Variants in CRIM1 observed in about 807,000 individuals in gnomAD.
CRIM1 encodes cysteine-rich motor neuron 1 protein.
In CRIM1, 32 loss-of-function variants were observed where a neutral mutation model predicts 116.4. The observed-to-expected ratio is 0.27, with a 90% CI of 0.21 to 0.37. The LOEUF (loss-of-function observed/expected upper bound fraction) is 0.37. Ranked by LOEUF, CRIM1 falls within the 10% of genes least tolerant of loss-of-function variation. The pLI is 1.00. For missense variants in CRIM1, 1,331 were observed against 1,354.8 expected, an observed-to-expected ratio of 0.98 and a Z score of 0.28; for synonymous variants, 590 against 509.2, an observed-to-expected ratio of 1.16 and a Z score of -2.13.
At chr2:36,427,015 A>G (rs1674506169) in intron 2 of CRIM1, among the ~76,000 whole-genome samples, 1 of 152,106 alleles carries the variant, frequency 6.6e-6, no homozygotes, top group Admixed American at 6.5e-5. Flanking sequence ...AGCCTGACTA[A>G]CATGGTGAAA....
chr2:36,550,354 C>G lies in CRIM1; in HGVS notation c.*1653C>G, dbSNP rs1667683205. ...AACTGACTGTATACTATAGTGGTAACTTTTCAAACAGCCCTTAGCACTTTT... is the reference window on the plus strand; with the variant it reads ...AACTGACTGTATACTATAGTGGTAAGTTTTCAAACAGCCCTTAGCACTTTT... On this transcript the variant is annotated 3_prime_UTR_variant, in exon 17 of 17. Coordinates refer to ENST00000280527, the MANE Select transcript of CRIM1 (RefSeq NM_016441.3). 1 of 151,238 alleles carries G rather than the reference C, an allele frequency of 6.6e-6. No individual in the cohort carries two copies. Among genetic ancestry groups the G allele is most frequent in the Non-Finnish European group, 1.5e-5 (1 of 67,888 alleles). The allele number at this position is 151,238 out of a possible 1,614,324, so 9.4% of individuals were successfully genotyped here.
intron 2 of CRIM1, among the ~76,000 whole-genome samples, chr2:36,399,732 C>T (rs959055889): frequency 7.9e-5 from 12 of 152,052 alleles, no homozygotes; most frequent in Admixed American, 3.3e-4. Flanking sequence ...GTAAGAAAGG[C>T]GATTGCAGGA....
At chr2:36,374,119 G>A (rs1670137751) in intron 1 of CRIM1, among the ~76,000 whole-genome samples, 1 of 152,178 alleles carries the variant, frequency 6.6e-6, no homozygotes, top group Non-Finnish European at 1.5e-5. Context: ...GACTCAAAAA[G>A]GATTGATGCA....
At chr2:36,425,559 A>G (rs530203136) in intron 2 of CRIM1, among the ~76,000 whole-genome samples, 13 of 152,320 alleles carry the variant, frequency 8.5e-5, no homozygotes, top group African/African-American at 3.1e-4. Flanking sequence ...TAATTTAATA[A>G]TTCTTGCTTC....
At chr2:36,533,252 C>A (rs750763642) in intron 13 of CRIM1, among the ~76,000 whole-genome samples, 2 of 151,994 alleles carry the variant, frequency 1.3e-5, no homozygotes, top group African/African-American at 2.4e-5. Context: ...GCAAATGGGT[C>A]CCTATGTGTC....
At chr2:36,464,432 A>G (rs1284934545) in intron 4 of CRIM1, 102 bp from the exon 5 acceptor site, 6 of 1,222,238 alleles carry the variant, frequency 4.9e-6, no homozygotes, top group Non-Finnish European at 7.2e-6. Flanking sequence ...TGTCGTATAG[A>G]CCAGGTACTT....
chr2:36,409,061 A>C (rs1673023423), intron 2 of CRIM1, among the ~76,000 whole-genome samples: 1 of 152,164 alleles, frequency 6.6e-6, no homozygotes, highest in Non-Finnish European at 1.5e-5. Flanking sequence ...TTAAAAAAGA[A>C]AATAATTTGC....
At chr2:36,541,735 A>G (rs1216995201) in intron 14 of CRIM1, among the ~76,000 whole-genome samples, 2 of 152,132 alleles carry the variant, frequency 1.3e-5, no homozygotes, top group Non-Finnish European at 2.9e-5. Flanking sequence ...TGTGCCCGTG[A>G]TCTTCGTGGT....
intron 13 of CRIM1, among the ~76,000 whole-genome samples, chr2:36,528,789 G>A (rs548876143): frequency 1.2e-4 from 18 of 152,266 alleles, no homozygotes; most frequent in African/African-American, 4.3e-4. Flanking sequence ...AAAACATTCT[G>A]GTTGTCGTGC....
chr2:36,517,570 T>A lies in CRIM1; in HGVS notation c.2206+28T>A, dbSNP rs990666418. 3.3e-5 allele frequency: 52 copies of A among 1,592,786 alleles called. No homozygotes were observed. The African/African-American group carries it at 5.2e-4, about 16-fold the overall frequency. On this transcript the variant is annotated intron_variant, in intron 12 of 16. Transcript: ENST00000280527. The stretch of plus-strand genomic sequence containing the variant: ...AAGCGACACCATGCCTTGTGGGTGC[T>A]TGGTGGGGAAGGATGCAGCTCTGGG...
chr2:36,492,311 G>A (rs919335087), intron 7 of CRIM1, among the ~76,000 whole-genome samples: 9 of 152,136 alleles, frequency 5.9e-5, no homozygotes, highest in African/African-American at 1.9e-4. Context: ...TATGAGAAGT[G>A]TACAAAGGGA....
chr2:36,498,743 G>C (rs980271450), intron 7 of CRIM1, among the ~76,000 whole-genome samples: 1 of 152,104 alleles, frequency 6.6e-6, no homozygotes, highest in Non-Finnish European at 1.5e-5. Flanking sequence ...TTTTAAGCTA[G>C]TCTCAAAAAC....
In CRIM1 at chr2:36,371,915, A is replaced by G. The variant is rs143458433; in HGVS notation, c.331+15292A>G. Among the ~76,000 whole-genome samples the G allele has an allele frequency of 3.5e-3, 537 of 152,360 alleles. 6 individuals carry two copies. The highest frequency in any genetic ancestry group is 0.012 in the African/African-American group (507 of 41,594). On this transcript the variant is annotated intron_variant, in intron 1 of 16. Transcript: ENST00000280527. ...AATTATCAACACACTTCAGATGACC[A>G]TATCATCATGACTTGGTGATAGCAA...
chr2:36,363,884 G>A (rs1402736900), intron 1 of CRIM1, among the ~76,000 whole-genome samples: 4 of 152,082 alleles, frequency 2.6e-5, no homozygotes, highest in Admixed American at 2.6e-4. Context: ...TGCTGCAGTT[G>A]GTATAAACTA....
chr2:36,369,694 T>C (rs909995028), intron 1 of CRIM1, among the ~76,000 whole-genome samples: 3 of 152,208 alleles, frequency 2.0e-5, no homozygotes, highest in African/African-American at 4.8e-5. Context: ...AGGAAAGTGA[T>C]AAAAGTTTAT....
chr2:36,488,852 G>T (rs975594156), intron 7 of CRIM1, among the ~76,000 whole-genome samples: 4 of 152,134 alleles, frequency 2.6e-5, no homozygotes, highest in African/African-American at 9.7e-5. Context: ...GAATCCTCAA[G>T]ATCCTAAGGC....
intron 1 of CRIM1, among the ~76,000 whole-genome samples, chr2:36,395,109 G>C (rs1298573286): frequency 6.9e-6 from 1 of 144,254 alleles, no homozygotes; most frequent in Non-Finnish European, 1.5e-5. Flanking sequence ...CTGCTTCTCT[G>C]TTTCAAACAA....
intron 4 of CRIM1, among the ~76,000 whole-genome samples, chr2:36,453,274 G>C (rs1043194465): frequency 2.6e-5 from 4 of 152,196 alleles, no homozygotes; most frequent in African/African-American, 9.6e-5. Context: ...AGTCTGTTGT[G>C]AATGTATTAT....
At chr2:36,392,798 T>C (rs1349201779) in intron 1 of CRIM1, among the ~76,000 whole-genome samples, 1 of 152,070 alleles carries the variant, frequency 6.6e-6, no homozygotes. Context: ...AAGTATTGAT[T>C]AGGAGCGGGC....
Sources: allele counts gnomAD v4.1 joint callset (sites outside exome capture counted in the v4.1 genomes callset), GRCh38; gene constraint gnomAD v4.1.1; transcripts MANE v1.5; gene names NCBI Gene and HGNC (gene_info 2026-07-23, HGNC 2026-07-21).